PARD3B: variants seen among roughly 807,000 people sequenced by gnomAD.
PARD3B encodes par-3 family cell polarity regulator beta.
In PARD3B, 103 loss-of-function variants were observed where a neutral mutation model predicts 130.2. The observed-to-expected ratio is 0.79, with a 90% CI of 0.67 to 0.93. The LOEUF (loss-of-function observed/expected upper bound fraction) is 0.93, where lower values mean the gene tolerates loss of function less well. Among genes scored for constraint, PARD3B ranks in the 40% least tolerant of loss-of-function variants. The pLI, the probability that PARD3B is intolerant of heterozygous loss-of-function variation, is 0.00. For missense variants in PARD3B, 1,609 were observed against 1,499.2 expected (o/e 1.07, Z -1.21); for synonymous variants, 583 against 553.2 (o/e 1.05, Z -0.76).
rs142213723 is a variant in PARD3B, at chr2:205,043,682, T to C, written c.395-3899T>C. On this transcript the variant is annotated intron_variant, in intron 3 of 22. Coordinates refer to ENST00000406610, the MANE Select transcript of PARD3B (RefSeq NM_001302769.2). ...CCCTCTCATTTCAGTTAGCTTTCCT[T>C]GTACAATATGACTTCTACTCTACCA... is the stretch of plus-strand genomic sequence containing the variant. Among the ~76,000 whole-genome samples the C allele has an allele frequency of 3.5e-3, 530 of 152,252 alleles. 3 individuals carry two copies. Among genetic ancestry groups the C allele is most frequent in the African/African-American group, 0.012 (497 of 41,540 alleles).
chr2:205,006,623 T>C (rs1695286756), intron 3 of PARD3B, among the ~76,000 whole-genome samples: 1 of 152,196 alleles, frequency 6.6e-6, no homozygotes, highest in African/African-American at 2.4e-5. Flanking sequence ...TTGAGAAATG[T>C]CTATTCATGT....
chr2:205,523,207 A>ATG (rs1426477388), intron 21 of PARD3B, among the ~76,000 whole-genome samples: 7 of 29,608 alleles, frequency 2.4e-4, no homozygotes, highest in South Asian at 1.8e-3. Context: ...CCCGTGTACT[A>ATG]TATGTGTGTG....
chr2:205,505,422 C>T (rs1347011170), intron 21 of PARD3B, among the ~76,000 whole-genome samples: 1 of 147,174 alleles, frequency 6.8e-6, no homozygotes, highest in Non-Finnish European at 1.5e-5. Context: ...AATGAATACA[C>T]ACACACTGTA....
chr2:204,753,709 C>G (rs1041489925), intron 2 of PARD3B, among the ~76,000 whole-genome samples: 50 of 151,998 alleles, frequency 3.3e-4, no homozygotes, highest in African/African-American at 1.2e-3. Context: ...GCTGTGGAAG[C>G]CTTTGATTCT....
chr2:204,765,519 A>AT lies in PARD3B; in HGVS notation c.222+79239dup, dbSNP rs2041106868. On this transcript the variant is annotated intron_variant, in intron 2 of 22. Coordinates refer to ENST00000406610, the MANE Select transcript of PARD3B (RefSeq NM_001302769.2). Reference sequence around the variant, plus strand: ...TATTTCCTAATTGCAAAACAAGAAAATTGTGTTATTTGACTTTCTTCCAAA... The same window carrying AT: ...TATTTCCTAATTGCAAAACAAGAAAATTTGTGTTATTTGACTTTCTTCCAAA... 2.6e-5 allele frequency among the ~76,000 whole-genome samples: 4 copies of AT among 152,274 alleles called. No individual in the cohort carries two copies. The East Asian group carries it at 7.7e-4, about 29-fold the overall frequency.
At chr2:204,653,340 G>A (rs887059539) in intron 1 of PARD3B, among the ~76,000 whole-genome samples, 3 of 150,584 alleles carry the variant, frequency 2.0e-5, no homozygotes, top group African/African-American at 7.5e-5. Flanking sequence ...AACCCCTTCT[G>A]TTAGATATAC....
chr2:205,383,358 A>G (rs1373256246), intron 18 of PARD3B, among the ~76,000 whole-genome samples: 2 of 152,132 alleles, frequency 1.3e-5, no homozygotes, highest in East Asian at 1.9e-4. Context: ...CAACCCTCAT[A>G]TATTCATAAA....
At chr2:205,613,406 G>A (rs1372176445) in intron 22 of PARD3B, among the ~76,000 whole-genome samples, 1 of 152,208 alleles carries the variant, frequency 6.6e-6, no homozygotes, top group Non-Finnish European at 1.5e-5. Flanking sequence ...AATGAGCATG[G>A]TGAGGTGGAG....
intron 10 of PARD3B, among the ~76,000 whole-genome samples, chr2:205,149,208 A>T (rs1229321690): frequency 6.6e-6 from 1 of 152,086 alleles, no homozygotes; most frequent in African/African-American, 2.4e-5. Flanking sequence ...TTTTCTAAAA[A>T]ATGGTTAGTA....
intron 16 of PARD3B, among the ~76,000 whole-genome samples, chr2:205,251,907 T>G (rs1239556483): frequency 2.0e-5 from 3 of 152,142 alleles, no homozygotes; most frequent in Non-Finnish European, 4.4e-5. Flanking sequence ...AATATAGCAT[T>G]AGACACAAGA....
chr2:205,362,759 A>C (rs1212913373), intron 18 of PARD3B, among the ~76,000 whole-genome samples: 1 of 152,222 alleles, frequency 6.6e-6, no homozygotes, highest in Non-Finnish European at 1.5e-5. Context: ...TTTGGCAATG[A>C]GAAAATGAAG....
At chr2:205,163,035 G>A (rs1367642046) in intron 11 of PARD3B, among the ~76,000 whole-genome samples, 2 of 152,114 alleles carry the variant, frequency 1.3e-5, no homozygotes, top group Non-Finnish European at 2.9e-5. Context: ...CTTTAAAAAT[G>A]TATACATAAC....
At chr2:204,766,120 A>G (rs940053295) in intron 2 of PARD3B, among the ~76,000 whole-genome samples, 3 of 152,122 alleles carry the variant, frequency 2.0e-5, no homozygotes, top group Admixed American at 6.6e-5. Context: ...TTTGTTTCAT[A>G]TTATTGCCAG....
At chr2:205,185,230 C>G (rs1265571840) in intron 13 of PARD3B, among the ~76,000 whole-genome samples, 1 of 149,814 alleles carries the variant, frequency 6.7e-6, no homozygotes, top group South Asian at 2.1e-4. Flanking sequence ...CATTATGGCA[C>G]AGATAGAAAA....
chr2:205,175,881 T>G lies in PARD3B; in HGVS notation c.1792-564T>G, dbSNP rs143748062. On this transcript the variant is annotated intron_variant, in intron 12 of 22. Coordinates refer to ENST00000406610, the MANE Select transcript of PARD3B (RefSeq NM_001302769.2). ...TGTTTACAGACTGTAAAAATCAAAA[T>G]AGGAAGGGGAAATATAGGGGGGGAA... 4.2e-3 allele frequency among the ~76,000 whole-genome samples: 587 copies of G among 138,846 alleles called. 2 individuals carry two copies. Among genetic ancestry groups the G allele is most frequent in the African/African-American group, 0.014 (545 of 39,102 alleles). The allele number at this position is 138,846 out of a possible 152,430, so 91.1% of individuals were successfully genotyped here. A position where few individuals can be genotyped will look rare whatever the true frequency, so the allele number is the denominator to read the frequency against.
intron 18 of PARD3B, among the ~76,000 whole-genome samples, chr2:205,379,466 A>G (rs926140241): frequency 6.6e-6 from 1 of 151,780 alleles, no homozygotes; most frequent in African/African-American, 2.4e-5. Flanking sequence ...TAATATTATT[A>G]TATTTGGGGT....
At position 204,784,376 on chromosome 2, in the gene PARD3B, GT is replaced by G; in HGVS notation, c.222+98099del. The stretch of plus-strand genomic sequence containing the variant: ...AGATGCGAGGGCTATATTTTTGTTC[GT>G]TTTTGGCTTGTAGATTATTGGATTC... On this transcript the variant is annotated intron_variant, in intron 2 of 22. Transcript: ENST00000406610. Among the ~76,000 whole-genome samples the G allele has an allele frequency of 1.3e-5, 2 of 151,978 alleles. 1 individual carries two copies. Among genetic ancestry groups the G allele is most frequent in the Middle Eastern group, 6.8e-3 (2 of 292 alleles).
At chr2:205,318,164 G>T (rs986122635) in intron 18 of PARD3B, among the ~76,000 whole-genome samples, 3 of 152,080 alleles carry the variant, frequency 2.0e-5, no homozygotes, top group Non-Finnish European at 4.4e-5. Flanking sequence ...CTCCCCCAGG[G>T]ACTGTAATTT....
At chr2:205,092,554 G>T (rs150007744) in intron 4 of PARD3B, among the ~76,000 whole-genome samples, 1 of 152,306 alleles carries the variant, frequency 6.6e-6, no homozygotes, top group East Asian at 1.9e-4. Context: ...AGGAAATGCC[G>T]AAAGAAGAAA....
Sources: gnomAD v4.1 joint callset for allele counts (sites outside exome capture counted in the v4.1 genomes callset) on GRCh38, gnomAD v4.1.1 for gene constraint, MANE v1.5 for transcripts, NCBI Gene and HGNC (gene_info 2026-07-23, HGNC 2026-07-21) for gene names.